The following DPYD variants were observed in gnomAD, a reference collection of about 807,000 sequenced individuals.
The protein encoded by DPYD is dihydropyrimidine dehydrogenase [NADP(+)].
DPYD carries 109 observed loss-of-function variants against 116.2 expected under a neutral mutation model. The observed-to-expected ratio is 0.94, with a 90% CI of 0.80 to 1.10. The LOEUF (loss-of-function observed/expected upper bound fraction) is 1.10. Ranked by LOEUF, DPYD falls within the 50% of genes least tolerant of loss-of-function variation. DPYD has a pLI of 0.00. For synonymous variants in DPYD, 440 were observed against 432.0 expected (o/e 1.02, Z -0.23); for missense variants, 1,302 against 1,254.5 (o/e 1.04, Z -0.57).
At chr1:97,546,589 C>G in intron 12 of DPYD, 1 of 1,607,584 alleles carries the variant, frequency 6.2e-7, no homozygotes, top group South Asian at 1.1e-5. Flanking sequence ...AATAACACAT[C>G]CTGTGTATAG....
At chr1:97,654,035 A>G (rs1346149427) in intron 8 of DPYD, among the ~76,000 whole-genome samples, 2 of 152,314 alleles carry the variant, frequency 1.3e-5, no homozygotes, top group Middle Eastern at 3.4e-3. Flanking sequence ...ATAACTTATC[A>G]AGGTGTCTCT....
chr1:97,324,232 C>T (rs893908519), intron 16 of DPYD, among the ~76,000 whole-genome samples: 2 of 151,970 alleles, frequency 1.3e-5, no homozygotes, highest in Admixed American at 1.3e-4. Context: ...AATAAATCTC[C>T]TTTCACTTCT....
chr1:97,674,907 G>T (rs1660058570), intron 8 of DPYD, among the ~76,000 whole-genome samples: 1 of 152,164 alleles, frequency 6.6e-6, no homozygotes, highest in Non-Finnish European at 1.5e-5. Flanking sequence ...GATAGGTGTT[G>T]AGTATACTAT....
At chr1:97,161,831 T>G (rs1557902467) in intron 20 of DPYD, among the ~76,000 whole-genome samples, 1 of 150,472 alleles carries the variant, frequency 6.6e-6, no homozygotes, top group Non-Finnish European at 1.5e-5. Flanking sequence ...GTTTGGTTTT[T>G]TGTCCTTGCG....
At chr1:97,636,911 A>G (rs1041335750) in intron 8 of DPYD, among the ~76,000 whole-genome samples, 10 of 152,158 alleles carry the variant, frequency 6.6e-5, no homozygotes, top group African/African-American at 2.4e-4. Flanking sequence ...CATGGATGGC[A>G]GGCATACAAT....
At chr1:97,869,500 A>G (rs914727471) in intron 2 of DPYD, among the ~76,000 whole-genome samples, 2 of 151,750 alleles carry the variant, frequency 1.3e-5, no homozygotes, top group East Asian at 1.9e-4. Context: ...AGCACTTAAG[A>G]AACAACAAAC....
chr1:97,309,206 T>G (rs1480263087), intron 16 of DPYD, among the ~76,000 whole-genome samples: 1 of 151,778 alleles, frequency 6.6e-6, no homozygotes, highest in Non-Finnish European at 1.5e-5. Flanking sequence ...CTTAACAAAA[T>G]CTTAAAAATG....
intron 13 of DPYD, among the ~76,000 whole-genome samples, chr1:97,462,810 T>C (rs1184717087): frequency 1.3e-5 from 2 of 152,220 alleles, no homozygotes; most frequent in East Asian, 3.9e-4. Context: ...TTCCAGGTCT[T>C]TTCCCTGATC....
chr1:97,739,477 A>G (rs1664143877), intron 4 of DPYD, among the ~76,000 whole-genome samples: 1 of 152,132 alleles, frequency 6.6e-6, no homozygotes, highest in Non-Finnish European at 1.5e-5. Context: ...TAATTTTTAA[A>G]TTCTTTCAAG....
At chr1:97,694,382 G>T (rs142563337) in intron 6 of DPYD, among the ~76,000 whole-genome samples, 18 of 152,278 alleles carry the variant, frequency 1.2e-4, no homozygotes, top group African/African-American at 4.1e-4. Context: ...CATGACAAAT[G>T]TAAAATACTA....
At chr1:97,412,557 A>G (rs1194208328) in intron 14 of DPYD, among the ~76,000 whole-genome samples, 5 of 152,206 alleles carry the variant, frequency 3.3e-5, no homozygotes, top group Admixed American at 1.3e-4. Context: ...AAATTTGTCA[A>G]TTTGGAAGTC....
intron 20 of DPYD, among the ~76,000 whole-genome samples, chr1:97,113,361 G>T (rs1246818804): frequency 6.6e-6 from 1 of 151,996 alleles, no homozygotes; most frequent in Non-Finnish European, 1.5e-5. Context: ...AGAAAGGAAA[G>T]GTAAGAAAAG....
At chr1:97,834,769 A>T (rs1362503727) in intron 2 of DPYD, among the ~76,000 whole-genome samples, 1 of 151,982 alleles carries the variant, frequency 6.6e-6, no homozygotes, top group Non-Finnish European at 1.5e-5. Context: ...CTCTAAAAAA[A>T]AAAAAATGAG....
intron 2 of DPYD, among the ~76,000 whole-genome samples, chr1:97,848,085 G>A (rs540055104): frequency 1.4e-4 from 22 of 151,958 alleles, no homozygotes; most frequent in African/African-American, 4.1e-4. Context: ...CCCCTCTAAC[G>A]AACAAGAGAA....
chr1:97,157,649 T>C (rs567990138), intron 20 of DPYD, among the ~76,000 whole-genome samples: 2 of 152,136 alleles, frequency 1.3e-5, no homozygotes, highest in Admixed American at 6.6e-5. Flanking sequence ...AAAGGAGGCT[T>C]GAAATTTCTC....
Position 97,647,805 on chromosome 1 carries a change from T to C in DPYD, c.850+31290A>G, listed in dbSNP as rs529253738. ...ATTAAGATCACTAAACTGTCAAGGC[T>C]GTATGATAACCAAAATTATGTCCAA... is the stretch of plus-strand genomic sequence containing the variant. On this transcript the variant is annotated intron_variant, in intron 8 of 22. Coordinates refer to ENST00000370192, the MANE Select transcript of DPYD (RefSeq NM_000110.4). 1.8e-4 allele frequency among the ~76,000 whole-genome samples: 27 copies of C among 152,162 alleles called. No individual in the cohort carries two copies. In the East Asian group the frequency reaches 5.0e-3, roughly 28 times the overall value.
intron 3 of DPYD, among the ~76,000 whole-genome samples, chr1:97,760,512 G>C (rs1665516871): frequency 6.6e-6 from 1 of 152,120 alleles, no homozygotes; most frequent in Non-Finnish European, 1.5e-5. Flanking sequence ...TTAGGTATAT[G>C]AGTAATCTAG....
At chr1:97,788,750 C>T (rs1320253786) in intron 3 of DPYD, among the ~76,000 whole-genome samples, 1 of 152,180 alleles carries the variant, frequency 6.6e-6, no homozygotes, top group African/African-American at 2.4e-5. Context: ...CCTGAATTCT[C>T]ATCCAGGATT....
At chr1:97,802,958 CAA>C (rs1339135220) in intron 3 of DPYD, among the ~76,000 whole-genome samples, 2 of 151,808 alleles carry the variant, frequency 1.3e-5, no homozygotes, top group African/African-American at 4.8e-5. Flanking sequence ...CTGATACAGG[CAA>C]AGTTTAAATG....
Sources: gnomAD v4.1 joint callset for allele counts (sites outside exome capture counted in the v4.1 genomes callset) on GRCh38, gnomAD v4.1.1 for gene constraint, MANE v1.5 for transcripts, NCBI Gene and HGNC (gene_info 2026-07-23, HGNC 2026-07-21) for gene names.